CPNE4: variants seen among roughly 807,000 people sequenced by gnomAD.
The protein encoded by CPNE4 is copine-4.
CPNE4 carries 25 observed loss-of-function variants against 67.9 expected under a neutral mutation model. The ratio of observed to expected loss-of-function variants is 0.37; its 90% CI spans 0.27 to 0.51. The LOEUF is 0.51. Among genes scored for constraint, CPNE4 ranks in the 20% least tolerant of loss-of-function variants. The pLI is 0.93. For synonymous variants in CPNE4, 242 were observed against 244.9 expected (o/e 0.99, Z 0.11); for missense variants, 464 against 690.8 (o/e 0.67, Z 3.68).
chr3:131,609,098 C>G (rs900686552), intron 7 of CPNE4, among the ~76,000 whole-genome samples: 2 of 152,120 alleles, frequency 1.3e-5, no homozygotes, highest in African/African-American at 4.8e-5. Context: ...TTGTACTTTT[C>G]CTTCATTGCA....
At chr3:131,621,164 C>A (rs912205572) in intron 7 of CPNE4, among the ~76,000 whole-genome samples, 12 of 152,306 alleles carry the variant, frequency 7.9e-5, no homozygotes, top group African/African-American at 2.9e-4. Flanking sequence ...TCCTTTGACT[C>A]TGAGACCCAT....
intron 2 of CPNE4, among the ~76,000 whole-genome samples, chr3:131,746,058 A>G (rs1311090996): frequency 6.6e-6 from 1 of 152,020 alleles, no homozygotes; most frequent in East Asian, 1.9e-4. Context: ...CATTTCTTTC[A>G]TTCACATTAT....
intron 2 of CPNE4, among the ~76,000 whole-genome samples, chr3:131,894,470 A>T (rs1326354303): frequency 6.6e-6 from 1 of 151,952 alleles, no homozygotes; most frequent in Non-Finnish European, 1.5e-5. Flanking sequence ...TGCAAACCAG[A>T]CACCTAACAA....
chr3:131,569,309 C>T (rs144400988), intron 10 of CPNE4, among the ~76,000 whole-genome samples: 1 of 151,994 alleles, frequency 6.6e-6, no homozygotes, highest in African/African-American at 2.4e-5. Context: ...ACAGTGTGGA[C>T]ATAGGATGCC....
intron 3 of CPNE4, among the ~76,000 whole-genome samples, chr3:131,705,151 C>G (rs1447489530): frequency 6.6e-6 from 1 of 151,094 alleles, no homozygotes; most frequent in African/African-American, 2.4e-5. Context: ...TTTTCAAGCT[C>G]TACATGAGAA....
chr3:131,635,792 G>A (rs1233903779), intron 7 of CPNE4, among the ~76,000 whole-genome samples: 1 of 152,090 alleles, frequency 6.6e-6, no homozygotes, highest in Non-Finnish European at 1.5e-5. Context: ...GCAGTGTATG[G>A]AGACTTATAC....
At chr3:131,821,600 G>A (rs1293686084) in intron 2 of CPNE4, among the ~76,000 whole-genome samples, 1 of 152,172 alleles carries the variant, frequency 6.6e-6, no homozygotes, top group Non-Finnish European at 1.5e-5. Context: ...TTCCACTGTA[G>A]ATGAGAGCAC....
chr3:131,750,559 A>T (rs2082600859), intron 2 of CPNE4, among the ~76,000 whole-genome samples: 1 of 152,070 alleles, frequency 6.6e-6, no homozygotes, highest in African/African-American at 2.4e-5. Flanking sequence ...CATAATGGAA[A>T]CTTTACTTTC....
chr3:132,026,982 C>A (rs2074128298), intron 1 of CPNE4, among the ~76,000 whole-genome samples: 2 of 152,224 alleles, frequency 1.3e-5, no homozygotes, highest in Admixed American at 6.5e-5. Flanking sequence ...CTTATCATAA[C>A]AAAACTTAAC....
chr3:131,667,601 C>T (rs1391187592), intron 7 of CPNE4, among the ~76,000 whole-genome samples: 7 of 151,758 alleles, frequency 4.6e-5, no homozygotes, highest in East Asian at 1.9e-4. Context: ...TCTCTCCCCC[C>T]TCCCTTCCTT....
chr3:131,913,087 A>T (rs2089042844), intron 1 of CPNE4, among the ~76,000 whole-genome samples: 1 of 152,150 alleles, frequency 6.6e-6, no homozygotes, highest in Non-Finnish European at 1.5e-5. Context: ...CTACTGTTAA[A>T]GTAGGTAGCT....
chr3:131,732,341 A>G (rs965598850), intron 2 of CPNE4, among the ~76,000 whole-genome samples: 1 of 152,230 alleles, frequency 6.6e-6, no homozygotes, highest in African/African-American at 2.4e-5. Context: ...TTTGTGAAAC[A>G]AGAGTTAGTG....
chr3:131,756,955 A>T (rs1026238999), intron 2 of CPNE4, among the ~76,000 whole-genome samples: 2 of 152,218 alleles, frequency 1.3e-5, no homozygotes, highest in African/African-American at 4.8e-5. Context: ...TTCTCTTGCC[A>T]CTGCCATGGA....
intron 1 of CPNE4, chr3:132,017,833 G>A (rs1332409692): frequency 6.6e-6 from 1 of 152,370 alleles, no homozygotes; most frequent in Non-Finnish European, 1.5e-5. Flanking sequence ...CGGCTTCCTG[G>A]GCAGCCCATC....
At chr3:131,996,742 GT>G (rs1385797695) in intron 1 of CPNE4, among the ~76,000 whole-genome samples, 1 of 152,084 alleles carries the variant, frequency 6.6e-6, no homozygotes, top group Admixed American at 6.6e-5. Flanking sequence ...CATTGTCATA[GT>G]TCTGTACGGC....
At chr3:131,599,642 A>G (rs1375065014) in intron 7 of CPNE4, among the ~76,000 whole-genome samples, 1 of 152,178 alleles carries the variant, frequency 6.6e-6, no homozygotes, top group Non-Finnish European at 1.5e-5. Flanking sequence ...GGCCTCAGTC[A>G]TGTTCATCCC....
At chr3:131,632,479 A>G (rs1232456043) in intron 7 of CPNE4, among the ~76,000 whole-genome samples, 1 of 152,110 alleles carries the variant, frequency 6.6e-6, no homozygotes, top group Non-Finnish European at 1.5e-5. Flanking sequence ...TACTCTTGTT[A>G]ATATGGGGTC....
intron 7 of CPNE4, among the ~76,000 whole-genome samples, chr3:131,593,510 G>T (rs764981953): frequency 7.2e-5 from 11 of 152,160 alleles, no homozygotes; most frequent in Admixed American, 1.3e-4. Flanking sequence ...TATTGATTTT[G>T]TATCCTGCAA....
intron 15 of CPNE4, among the ~76,000 whole-genome samples, chr3:131,541,664 C>T (rs908066405): frequency 6.6e-6 from 1 of 150,390 alleles, no homozygotes; most frequent in African/African-American, 2.5e-5. Flanking sequence ...CTGACTTTAA[C>T]TGTCTTATTT....
Sources: gnomAD v4.1 joint callset for allele counts (sites outside exome capture counted in the v4.1 genomes callset) on GRCh38, gnomAD v4.1.1 for gene constraint, MANE v1.5 for transcripts, NCBI Gene and HGNC (gene_info 2026-07-23, HGNC 2026-07-21) for gene names.